STK4: variants seen among roughly 807,000 people sequenced by gnomAD.
The protein encoded by STK4 is serine/threonine-protein kinase 4.
A neutral mutation model predicts 64.9 loss-of-function variants in STK4; 30 were observed. That is an observed-to-expected ratio of 0.46 (90% CI 0.35 to 0.63). STK4 has a LOEUF of 0.63. Ranked by LOEUF, STK4 falls within the 20% of genes least tolerant of loss-of-function variation. STK4 has a pLI of 0.01. For missense variants in STK4, 466 were observed against 598.5 expected (o/e 0.78, Z 2.31); for synonymous variants, 177 against 199.0 (o/e 0.89, Z 0.93).
At chr20:45,042,581 A>G (rs1462052316) in intron 10 of STK4, among the ~76,000 whole-genome samples, 2 of 152,214 alleles carry the variant, frequency 1.3e-5, no homozygotes, top group Admixed American at 6.5e-5. Context: ...CGCAATTAGC[A>G]TCTTTTGTCT....
At chr20:45,048,630 C>T (rs777678628) in intron 10 of STK4, among the ~76,000 whole-genome samples, 13 of 152,020 alleles carry the variant, frequency 8.6e-5, no homozygotes, top group Admixed American at 5.9e-4. Flanking sequence ...CTCAGCCTCC[C>T]GCCACCATGC....
chr20:44,986,711 TAC>T (rs1258469950), intron 4 of STK4, among the ~76,000 whole-genome samples: 1 of 152,184 alleles, frequency 6.6e-6, no homozygotes, highest in African/African-American at 2.4e-5. Flanking sequence ...TATTTGGATA[TAC>T]AGTGTTTTGA....
intron 10 of STK4, among the ~76,000 whole-genome samples, chr20:45,065,581 A>G (rs1249505137): frequency 6.6e-6 from 1 of 152,072 alleles, no homozygotes; most frequent in Non-Finnish European, 1.5e-5. Flanking sequence ...TTCCTTATAC[A>G]TCTGATAGAA....
chr20:45,059,760 C>T (rs950918824), intron 10 of STK4, among the ~76,000 whole-genome samples: 3 of 152,156 alleles, frequency 2.0e-5, no homozygotes, highest in African/African-American at 7.2e-5. Context: ...CAATCATAAG[C>T]AACCAGGACT....
At chr20:45,055,103 A>G (rs1978356422) in intron 10 of STK4, among the ~76,000 whole-genome samples, 1 of 152,106 alleles carries the variant, frequency 6.6e-6, no homozygotes, top group Non-Finnish European at 1.5e-5. Flanking sequence ...GGGAGGTTTC[A>G]GGAGTGACCT....
chr20:44,988,426 G>T (rs1039531938), intron 5 of STK4, among the ~76,000 whole-genome samples: 2 of 150,918 alleles, frequency 1.3e-5, no homozygotes, highest in Non-Finnish European at 2.9e-5. Context: ...GAACCTGGGA[G>T]ATTGCGCCAT....
At chr20:45,071,878 A>G (rs1430306473) in intron 10 of STK4, among the ~76,000 whole-genome samples, 4 of 152,006 alleles carry the variant, frequency 2.6e-5, no homozygotes, top group Non-Finnish European at 4.4e-5. Context: ...CGATCCTCCC[A>G]TCTCAGCATC....
intron 10 of STK4, among the ~76,000 whole-genome samples, chr20:45,073,113 T>G (rs1980218816): frequency 6.6e-6 from 1 of 152,228 alleles, no homozygotes; most frequent in African/African-American, 2.4e-5. Context: ...AACTACCAGT[T>G]ACATTCAGTA....
At chr20:45,060,535 G>A (rs2145458834) in intron 10 of STK4, among the ~76,000 whole-genome samples, 1 of 152,226 alleles carries the variant, frequency 6.6e-6, no homozygotes, top group Middle Eastern at 3.4e-3. Flanking sequence ...TTGACACACA[G>A]TTGGCCAGGC....
chr20:45,001,268 G>A lies in STK4; in HGVS notation c.1062G>A (p.Met354Ile), dbSNP rs376301299. The change falls in exon 9 of 11, where the codon ATG becomes ATA. Residue 354 changes from methionine to isoleucine, a missense_variant. Physicochemically the swap from Met to Ile is conservative, Grantham distance 10. Around this residue, in one of 2 missense-constraint regions of STK4, gnomAD observed 276 missense variants for 308.9 expected, o/e 0.89. Coordinates refer to ENST00000372806, the MANE Select transcript of STK4 (RefSeq NM_006282.5). ...ASTMTDGANT[M>I]IEHDDTLPSQ... Reference sequence around the variant, plus strand: ...CCATGACTGATGGAGCCAATACTATGATTGAGCACGATGACACGTTGCCAT... The same window carrying A: ...CCATGACTGATGGAGCCAATACTATAATTGAGCACGATGACACGTTGCCAT... 2.5e-6 allele frequency: 4 copies of A among 1,614,090 alleles called. No individual in the cohort carries two copies. The highest frequency in any genetic ancestry group is 3.4e-6 in the Non-Finnish European group (4 of 1,180,036).
intron 3 of STK4, among the ~76,000 whole-genome samples, chr20:44,979,575 A>C (rs1008781436): frequency 6.6e-6 from 1 of 152,178 alleles, no homozygotes; most frequent in African/African-American, 2.4e-5. Context: ...GGAGCTGAAG[A>C]TGGGTGAGAA....
chr20:45,034,873 C>T (rs552055902), intron 10 of STK4, among the ~76,000 whole-genome samples: 1 of 152,184 alleles, frequency 6.6e-6, no homozygotes, highest in East Asian at 1.9e-4. Flanking sequence ...GCTAGGATTG[C>T]ACCACTGTAT....
intron 10 of STK4, among the ~76,000 whole-genome samples, chr20:45,032,662 A>G (rs1324125013): frequency 6.6e-6 from 1 of 152,150 alleles, no homozygotes; most frequent in African/African-American, 2.4e-5. Context: ...TTCTTTATCC[A>G]GTCTGTCATT....
chr20:45,001,292 A>T lies in STK4; in HGVS notation c.1086A>T (p.Pro362=). The T allele has an allele frequency of 1.2e-6, 2 of 1,614,224 alleles. No individual in the cohort carries two copies. The highest frequency in any genetic ancestry group is 2.2e-5 in the South Asian group (2 of 91,080). ...NTMIEHDDTL[P]SQLGTMVINA... Reference sequence around the variant, plus strand: ...TGATTGAGCACGATGACACGTTGCCATCACAACTGGGCACCATGGTGATCA... The same window carrying T: ...TGATTGAGCACGATGACACGTTGCCTTCACAACTGGGCACCATGGTGATCA... Residue 362 remains proline (P), a synonymous_variant, in exon 9 of 11, where the codon CCA becomes CCT. Coordinates refer to ENST00000372806, the MANE Select transcript of STK4 (RefSeq NM_006282.5).
At chr20:45,017,409 C>T (rs182888302) in intron 9 of STK4, among the ~76,000 whole-genome samples, 288 of 152,194 alleles carry the variant, frequency 1.9e-3, no homozygotes, top group African/African-American at 6.8e-3. Flanking sequence ...TACAGGAAAG[C>T]GTTAAAGGAT....
intron 9 of STK4, among the ~76,000 whole-genome samples, chr20:45,021,462 A>G (rs1169771078): frequency 6.6e-6 from 1 of 152,346 alleles, no homozygotes; most frequent in East Asian, 1.9e-4. Flanking sequence ...AGAAAGAATC[A>G]TTATGGTGGA....
intron 9 of STK4, among the ~76,000 whole-genome samples, chr20:45,023,011 T>C (rs2068276147): frequency 6.6e-6 from 1 of 152,234 alleles, no homozygotes; most frequent in African/African-American, 2.4e-5. Context: ...CTTTTGTTTG[T>C]ATTTCCTACA....
intron 5 of STK4, among the ~76,000 whole-genome samples, chr20:44,989,914 C>T (rs1039183062): frequency 6.6e-6 from 1 of 152,104 alleles, no homozygotes; most frequent in Admixed American, 6.5e-5. Context: ...TCTGTCCTTG[C>T]ACCAGTTCTG....
chr20:45,078,715 TCATCTGAAG>T lies in STK4; in HGVS notation c.*3542_*3550del, dbSNP rs1244773153. The T allele has an allele frequency of 1.3e-5, 2 of 152,060 alleles. No individual in the cohort carries two copies. Among genetic ancestry groups the T allele is most frequent in the East Asian group, 3.9e-4 (2 of 5,174 alleles). The allele number at this position is 152,060 out of a possible 1,614,324, so 9.4% of individuals were successfully genotyped here. A position where few individuals can be genotyped will look rare whatever the true frequency, so the allele number is the denominator to read the frequency against. On this transcript the variant is annotated 3_prime_UTR_variant, in exon 11 of 11. Coordinates refer to ENST00000372806, the MANE Select transcript of STK4 (RefSeq NM_006282.5). ...TGTATTGATAAATAGATAGAACCAG[TCATCTGAAG>T]CAACTTAAGAATTGTAGCCTTGACT...
Sources: gnomAD v4.1 joint callset for allele counts (sites outside exome capture counted in the v4.1 genomes callset) on GRCh38, gnomAD v4.1.1 for gene constraint, gnomAD v4.1.1 regional missense constraint, MANE v1.5 for transcripts, NCBI Gene and HGNC (gene_info 2026-07-23, HGNC 2026-07-21) for gene names.